Variants in LAMA3 observed in about 807,000 individuals in gnomAD.
LAMA3 encodes the protein laminin subunit alpha 3.
Under a neutral mutation model 402.0 loss-of-function variants are expected in LAMA3, and 281 were observed. The ratio of observed to expected loss-of-function variants is 0.70; its 90% confidence interval spans 0.63 to 0.77. The LOEUF is 0.77. Ranked by LOEUF, LAMA3 falls within the 30% of genes least tolerant of loss-of-function variation. LAMA3 has a pLI of 0.00. For missense variants in LAMA3, 3,840 were observed against 4,215.5 expected, an observed-to-expected ratio of 0.91 and a Z score of 2.47; for synonymous variants, 1,431 against 1,558.4, an observed-to-expected ratio of 0.92 and a Z score of 1.93.
chr18:23,932,222 GT>G lies in LAMA3; in HGVS notation c.8641del (p.Ser2881ProfsTer26). 1 of 1,614,142 alleles carries G rather than the reference GT, an allele frequency of 6.2e-7. No individual in the cohort carries two copies. The highest frequency in any genetic ancestry group is 8.5e-7 in the Non-Finnish European group (1 of 1,179,982). On this transcript the variant is annotated frameshift_variant, in exon 66 of 75. Transcript: ENST00000313654. LOFTEE classifies it high-confidence loss of function. ...RNSKRLKHIS[S>X]SRQSLRLGGS... is the part of the protein sequence containing the mutation. ...AGCAAAAGGCTAAAACACATTTCAA[GT>G]TCCCGGCAGTCTCTGCGTCTGGGCG...
chr18:23,945,266 G>A (rs1222728203), intron 69 of LAMA3, among the ~76,000 whole-genome samples: 3 of 152,232 alleles, frequency 2.0e-5, no homozygotes. Flanking sequence ...CTTTGCTTGC[G>A]GAGGCTGTGG....
intron 70 of LAMA3, 141 bp downstream of exon 70, chr18:23,946,425 C>T: frequency 2.0e-6 from 2 of 979,672 alleles, no homozygotes; most frequent in Non-Finnish European, 3.1e-6. Context: ...TTAATGTTCA[C>T]AACCACATAG....
At chr18:23,941,026 C>G (rs1364902316) in intron 68 of LAMA3, among the ~76,000 whole-genome samples, 1 of 151,338 alleles carries the variant, frequency 6.6e-6, no homozygotes, top group African/African-American at 2.4e-5. Context: ...ACTTCCACCT[C>G]CTGGGTTCAC....
Position 23,758,732 on chromosome 18 carries a change from A to G in LAMA3, c.1063+221A>G, listed in dbSNP as rs1386038769. Among the ~76,000 whole-genome samples, 3 of 152,364 alleles carry G rather than the reference A, an allele frequency of 2.0e-5. No individual in the cohort carries two copies. In the East Asian group the frequency reaches 5.8e-4, roughly 29 times the overall value. ...AAAAAGAACAATAATGATGATGACC[A>G]TGCATGATGGGGCTCCGTGCTTTAA... On this transcript the variant is annotated intron_variant, in intron 7 of 74. Transcript: ENST00000313654.
In LAMA3 at chr18:23,814,457, C is replaced by G. The variant is rs372932883; in HGVS notation, c.1843C>G (p.Leu615Val). The G allele has an allele frequency of 5.0e-6, 8 of 1,613,802 alleles. No homozygotes were observed. The highest frequency in any genetic ancestry group is 5.9e-6 in the Non-Finnish European group (7 of 1,179,838). Residue 615 changes from leucine (L) to valine (V), a missense_variant, in exon 15 of 75, where the codon CTG becomes GTG. Coordinates refer to ENST00000313654, the MANE Select transcript of LAMA3 (RefSeq NM_198129.4). ...VEGPTCSRCK[L>V]LYWNLDKENP... The stretch of plus-strand genomic sequence containing the variant: ...AGGTCCTACTTGTAGCCGCTGCAAA[C>G]TGTTATATTGGAATCTGGACAAAGA...
chr18:23,864,240 T>A (rs1035715791), intron 35 of LAMA3, among the ~76,000 whole-genome samples: 2 of 151,296 alleles, frequency 1.3e-5, no homozygotes, highest in East Asian at 1.9e-4. Context: ...TTTTTTTTTT[T>A]AAAAGAGACA....
At chr18:23,909,902 A>G (rs1398358974) in intron 55 of LAMA3, among the ~76,000 whole-genome samples, 1 of 152,232 alleles carries the variant, frequency 6.6e-6, no homozygotes, top group African/African-American at 2.4e-5. Context: ...AGAGGGTTGG[A>G]GAGCCTAGTC....
chr18:23,830,865 T>C (rs1157687708), intron 23 of LAMA3, among the ~76,000 whole-genome samples: 1 of 152,216 alleles, frequency 6.6e-6, no homozygotes, highest in East Asian at 1.9e-4. Flanking sequence ...TCTGCTTTTA[T>C]ATGCAGACCA....
Position 23,748,020 on chromosome 18 carries a change from A to G in LAMA3, c.525A>G (p.Val175=), listed in dbSNP as rs762864063. The part of the protein sequence containing the change: ...RPDLWVLERS[V]DFGSTYSPWQ... ...ATCTTTGGGTCTTGGAAAGATCTGT[A>G]GACTTTGGAAGCACCTACTCACCAT... The change falls in exon 3 of 75, where the codon GTA becomes GTG. Residue 175 remains valine, a synonymous_variant. Transcript: ENST00000313654. 2 of 1,613,282 alleles carry G rather than the reference A, an allele frequency of 1.2e-6. No individual in the cohort carries two copies. The highest frequency in any genetic ancestry group is 1.7e-6 in the Non-Finnish European group (2 of 1,179,180).
At chr18:23,873,047 G>A (rs1216263151) in intron 38 of LAMA3, 2 of 1,614,194 alleles carry the variant, frequency 1.2e-6, no homozygotes, top group Non-Finnish European at 1.7e-6. Flanking sequence ...GAACCGGGAT[G>A]CCTCCAGCAG....
At chr18:23,947,169 G>C (rs1767674273) in intron 70 of LAMA3, among the ~76,000 whole-genome samples, 1 of 152,146 alleles carries the variant, frequency 6.6e-6, no homozygotes, top group Admixed American at 6.5e-5. Flanking sequence ...TGGGGCCACA[G>C]CTCCAGGGCT....
At chr18:23,730,188 A>G (rs1031560869) in intron 2 of LAMA3, among the ~76,000 whole-genome samples, 2 of 152,088 alleles carry the variant, frequency 1.3e-5, no homozygotes, top group African/African-American at 4.8e-5. Context: ...ACACAGCTTC[A>G]TGGCCTGCAT....
chr18:23,910,329 G>A (rs933087002), intron 55 of LAMA3, among the ~76,000 whole-genome samples: 9 of 152,164 alleles, frequency 5.9e-5, no homozygotes, highest in Non-Finnish European at 1.0e-4. Context: ...AGCATAGAAA[G>A]TACCAACCTC....
intron 2 of LAMA3, among the ~76,000 whole-genome samples, chr18:23,746,526 A>G (rs1344982014): frequency 6.6e-6 from 1 of 152,174 alleles, no homozygotes. Context: ...TTCTCCTATT[A>G]AGCCCCAAAC....
intron 34 of LAMA3, among the ~76,000 whole-genome samples, chr18:23,859,734 TTTTG>T (rs904368808): frequency 9.2e-5 from 14 of 152,286 alleles, no homozygotes; most frequent in South Asian, 4.1e-4. Flanking sequence ...ATTTAGGGTT[TTTTG>T]TTTGTTTGTT....
chr18:23,947,589 G>T (rs2082751668), intron 70 of LAMA3, among the ~76,000 whole-genome samples: 1 of 152,104 alleles, frequency 6.6e-6, no homozygotes, highest in South Asian at 2.1e-4. Flanking sequence ...TTGGGCCAGA[G>T]CTCCAGTGTT....
At chr18:23,701,922 G>A (rs2060797120) in intron 1 of LAMA3, among the ~76,000 whole-genome samples, 1 of 152,184 alleles carries the variant, frequency 6.6e-6, no homozygotes, top group Non-Finnish European at 1.5e-5. Context: ...GGGTCAAATG[G>A]AGTGAGTGGG....
At chr18:23,778,896 G>A (rs2062378573) in intron 11 of LAMA3, among the ~76,000 whole-genome samples, 1 of 152,240 alleles carries the variant, frequency 6.6e-6, no homozygotes. Flanking sequence ...ACTGGAGGCA[G>A]CCTTGGTGAT....
intron 68 of LAMA3, among the ~76,000 whole-genome samples, chr18:23,940,845 TC>T (rs33963760): frequency 0.96 from 145,022 of 151,820 alleles, 69,370 homozygotes; most frequent in East Asian, 1. Context: ...AGTTGTCCCC[TC>T]CCCTGGCTAC....
Sources: gnomAD v4.1 joint callset for allele counts (sites outside exome capture counted in the v4.1 genomes callset) on GRCh38, gnomAD v4.1.1 for gene constraint, MANE v1.5 for transcripts, NCBI Gene and HGNC (gene_info 2026-07-23, HGNC 2026-07-21) for gene names.